Variants in LAP3 observed in about 807,000 individuals in gnomAD.
The protein encoded by LAP3 is cytosol aminopeptidase.
In LAP3, 46 loss-of-function variants were observed where a neutral mutation model predicts 58.8. That is an observed-to-expected ratio of 0.78 (90% CI 0.62 to 1.00). LAP3 has a LOEUF of 1.00. LAP3 is among the 50% of genes least tolerant of loss of function. LAP3 has a pLI of 0.00. For missense variants in LAP3, 615 were observed against 659.1 expected (o/e 0.93, Z 0.73); for synonymous variants, 257 against 237.7 (o/e 1.08, Z -0.75).
chr4:17,588,565 C>G (rs1345097463), intron 6 of LAP3, among the ~76,000 whole-genome samples: 1 of 152,160 alleles, frequency 6.6e-6, no homozygotes, highest in African/African-American at 2.4e-5. Context: ...CATGACTTCT[C>G]TTAGTAATTC....
In LAP3 at chr4:17,598,455, G is replaced by T. The variant is rs775990501; in HGVS notation, c.1078-1G>T. On this transcript the variant is annotated splice_acceptor_variant, in intron 9 of 12. Coordinates refer to ENST00000226299, the MANE Select transcript of LAP3 (RefSeq NM_015907.3). LOFTEE classifies it high-confidence loss of function. The stretch of plus-strand genomic sequence containing the variant: ...CCCTTTCTGTTTTTGACCCTCTGCA[G>T]GTTGATAACACTGATGCTGAGGGGA... 2 of 1,610,198 alleles carry T rather than the reference G, an allele frequency of 1.2e-6. No individual in the cohort carries two copies. The highest frequency in any genetic ancestry group is 2.7e-5 in the African/African-American group (2 of 74,804).
At chr4:17,600,807 G>C (rs1290809271) in intron 10 of LAP3, among the ~76,000 whole-genome samples, 1 of 152,164 alleles carries the variant, frequency 6.6e-6, no homozygotes. Flanking sequence ...TAGAAGACCT[G>C]ATTTTAAAAC....
At chr4:17,591,408 T>C (rs972491655) in intron 7 of LAP3, among the ~76,000 whole-genome samples, 2 of 152,184 alleles carry the variant, frequency 1.3e-5, no homozygotes, top group African/African-American at 2.4e-5. Flanking sequence ...CCCAAAGTGC[T>C]GGGATTACCG....
intron 9 of LAP3, 35 bp downstream of exon 9, chr4:17,597,169 G>C: frequency 6.4e-7 from 1 of 1,563,762 alleles, no homozygotes; most frequent in Non-Finnish European, 8.8e-7. Flanking sequence ...TCCCCATCCA[G>C]CGTTCCTCAG....
At chr4:17,582,226 C>A in intron 3 of LAP3, 62 bp from the exon 4 acceptor site, 1 of 1,356,096 alleles carries the variant, frequency 7.4e-7, no homozygotes, top group Non-Finnish European at 1.0e-6. Flanking sequence ...ATGTAGAATT[C>A]CTTGCTGGAA....
At chr4:17,597,155 G>A in intron 9 of LAP3, 21 bp downstream of exon 9, 2 of 1,593,220 alleles carry the variant, frequency 1.3e-6, no homozygotes, top group South Asian at 2.2e-5. Flanking sequence ...GTGAGACACA[G>A]CACTCCCCAT....
intron 7 of LAP3, among the ~76,000 whole-genome samples, chr4:17,591,103 A>G (rs566676293): frequency 1.3e-3 from 191 of 144,418 alleles, no homozygotes; most frequent in African/African-American, 4.6e-3. Context: ...TTGAGACGGA[A>G]TCTTGCTCTG....
At chr4:17,596,995 C>A in intron 8 of LAP3, 51 bp from the exon 9 acceptor site, 1 of 1,566,486 alleles carries the variant, frequency 6.4e-7, no homozygotes, top group Non-Finnish European at 8.8e-7. Context: ...CCATAGGTGG[C>A]ATGTTTGGAC....
intron 1 of LAP3, among the ~76,000 whole-genome samples, chr4:17,578,867 C>T (rs1465925669): frequency 6.6e-6 from 1 of 152,050 alleles, no homozygotes; most frequent in African/African-American, 2.4e-5. Context: ...TGGCAACAGT[C>T]CTTACGATGG....
At chr4:17,589,065 T>C in intron 7 of LAP3, 88 bp downstream of exon 7, 1 of 430,334 alleles carries the variant, frequency 2.3e-6, no homozygotes, top group Non-Finnish European at 2.9e-6. Flanking sequence ...TTGGTTTGAT[T>C]TTTTTTTTTT....
At position 17,579,585 on chromosome 4, in the gene LAP3, C is replaced by T. The variant is rs555425210; in HGVS notation, c.103-239C>T. On this transcript the variant is annotated intron_variant, in intron 1 of 12. Transcript: ENST00000226299. ...CGTCTCCTAGGAGTGAGCACAGAAACCCAGGGCAATGTCCAGGACGGGCAG... is the reference window on the plus strand; with the variant it reads ...CGTCTCCTAGGAGTGAGCACAGAAATCCAGGGCAATGTCCAGGACGGGCAG... 2.0e-5 allele frequency among the ~76,000 whole-genome samples: 3 copies of T among 152,316 alleles called. No individual in the cohort carries two copies. In the East Asian group the frequency reaches 5.8e-4, roughly 29 times the overall value.
At chr4:17,600,898 C>T (rs537193390) in intron 10 of LAP3, among the ~76,000 whole-genome samples, 78 of 152,220 alleles carry the variant, frequency 5.1e-4, no homozygotes, top group African/African-American at 1.8e-3. Context: ...AATAGCACCT[C>T]GTTCACAGGA....
chr4:17,607,057 G>A, intron 12 of LAP3, 119 bp downstream of exon 12: 1 of 620,558 alleles, frequency 1.6e-6, no homozygotes, highest in Non-Finnish European at 2.7e-6. Flanking sequence ...TTGGTGTAGT[G>A]CTTGTAAGAT....
At chr4:17,594,347 T>C (rs1713775716) in intron 7 of LAP3, among the ~76,000 whole-genome samples, 1 of 152,242 alleles carries the variant, frequency 6.6e-6, no homozygotes, top group Non-Finnish European at 1.5e-5. Context: ...GGATCATCTT[T>C]AATTCTTGGT....
At position 17,582,556 on chromosome 4, in the gene LAP3, C is replaced by T. The variant is rs1577218877; in HGVS notation, c.379+163C>T. 5.0e-6 allele frequency: 3 copies of T among 601,892 alleles called. No individual in the cohort carries two copies. The East Asian group carries it at 8.6e-5, about 17-fold the overall frequency. The allele number at this position is 601,892 out of a possible 1,614,324, so 37.3% of individuals were successfully genotyped here. A position where few individuals can be genotyped will look rare whatever the true frequency, so the allele number is the denominator to read the frequency against. On this transcript the variant is annotated intron_variant, in intron 4 of 12. Transcript: ENST00000226299. ...GTTCCTCTTGCTGAATATGGTTGGCCTTATGATAAATACAGAAGGTTAGCT... is the reference window on the plus strand; with the variant it reads ...GTTCCTCTTGCTGAATATGGTTGGCTTTATGATAAATACAGAAGGTTAGCT...
chr4:17,579,594 A>G (rs1416008374), intron 1 of LAP3, among the ~76,000 whole-genome samples: 3 of 152,194 alleles, frequency 2.0e-5, no homozygotes, highest in Admixed American at 6.5e-5. Context: ...ACCCAGGGCA[A>G]TGTCCAGGAC....
At chr4:17,597,342 C>T (rs1284024514) in intron 9 of LAP3, among the ~76,000 whole-genome samples, 1 of 152,188 alleles carries the variant, frequency 6.6e-6, no homozygotes, top group Non-Finnish European at 1.5e-5. Context: ...GTGGCGTGAT[C>T]ATGTCTCACT....
At chr4:17,580,186 T>TATATATATATATATGTA (rs58358985) in intron 2 of LAP3, among the ~76,000 whole-genome samples, 2 of 30,200 alleles carry the variant, frequency 6.6e-5, no homozygotes, top group Admixed American at 4.0e-4. Flanking sequence ...ATATATGTAT[T>TATATATATATATATGTA]TTTTTTTTTT....
Position 17,579,851 on chromosome 4 carries a change from G to T in LAP3, c.130G>T (p.Glu44Ter), listed in dbSNP as rs1481235863. The T allele has an allele frequency of 6.2e-7, 1 of 1,609,560 alleles. No homozygotes were observed. The highest frequency in any genetic ancestry group is 8.5e-7 in the Non-Finnish European group (1 of 1,177,568). Residue 44 changes from glutamate (E) to a stop codon, truncating the protein, a stop_gained, in exon 2 of 13, where the codon GAA becomes TAA. Coordinates refer to ENST00000226299, the MANE Select transcript of LAP3 (RefSeq NM_015907.3). LOFTEE classifies it high-confidence loss of function. ...KGLVLGIYSKEKEDDVPQFTS... is the reference protein window; with the variant it reads ...KGLVLGIYSK ...CCTTGTTTTAGGAATCTATTCCAAAGAAAAAGAAGATGATGTGCCACAGTT... is the reference window on the plus strand; with the variant it reads ...CCTTGTTTTAGGAATCTATTCCAAATAAAAAGAAGATGATGTGCCACAGTT...
Sources: gnomAD v4.1 joint callset for allele counts (sites outside exome capture counted in the v4.1 genomes callset) on GRCh38, gnomAD v4.1.1 for gene constraint, MANE v1.5 for transcripts, NCBI Gene and HGNC (gene_info 2026-07-23, HGNC 2026-07-21) for gene names.